The following ZNF33A variants were observed in gnomAD, a reference collection of about 807,000 sequenced individuals.
The protein encoded by ZNF33A is zinc finger protein 33A, also known as brain my041 protein.
In ZNF33A, 9 loss-of-function variants were observed where a neutral mutation model predicts 15.9. The ratio of observed to expected loss-of-function variants is 0.57; its 90% confidence interval spans 0.34 to 0.99. The LOEUF is 0.99. ZNF33A is among the 50% of genes least tolerant of loss of function. The pLI, the probability that ZNF33A is intolerant of heterozygous loss-of-function variation, is 0.02. For missense variants in ZNF33A, 843 were observed against 941.6 expected, an observed-to-expected ratio of 0.90 and a Z score of 1.37; for synonymous variants, 294 against 324.2, an observed-to-expected ratio of 0.91 and a Z score of 1.00.
At chr10:38,019,522 C>T (rs2064640253) in intron 4 of ZNF33A, among the ~76,000 whole-genome samples, 1 of 152,178 alleles carries the variant, frequency 6.6e-6, no homozygotes, top group Admixed American at 6.6e-5. Context: ...AACACATTCC[C>T]TACAGAGAAT....
At chr10:38,046,538 T>C (rs1331276301) in intron 4 of ZNF33A, among the ~76,000 whole-genome samples, 1 of 152,098 alleles carries the variant, frequency 6.6e-6, no homozygotes, top group Non-Finnish European at 1.5e-5. Context: ...AAGTGCATCC[T>C]AGAAAAAAGC....
At chr10:38,061,490 G>A (rs1156934430), downstream of ZNF33A, among the ~76,000 whole-genome samples, 2 of 152,134 alleles carry the variant, frequency 1.3e-5, no homozygotes, top group Non-Finnish European at 2.9e-5. Context: ...GCGTGGCCTG[G>A]CATTGCTGCT....
chr10:38,050,218 G>T (rs1311324723), intron 4 of ZNF33A, among the ~76,000 whole-genome samples: 3 of 152,186 alleles, frequency 2.0e-5, no homozygotes, highest in African/African-American at 7.2e-5. Context: ...GAAAGCTATA[G>T]ACCGGTGTCC....
intron 4 of ZNF33A, among the ~76,000 whole-genome samples, chr10:38,042,884 A>G (rs936277187): frequency 2.8e-4 from 43 of 152,152 alleles, no homozygotes; most frequent in African/African-American, 9.7e-4. Context: ...GCATTTTTAT[A>G]TGTTATAGGT....
chr10:38,065,689 T>C (rs2066703932), downstream of ZNF33A, among the ~76,000 whole-genome samples: 1 of 151,714 alleles, frequency 6.6e-6, no homozygotes, highest in Non-Finnish European at 1.5e-5. Flanking sequence ...ACCAGCCAAT[T>C]TCCATGTCTT....
At chr10:38,063,700 T>C (rs1216928930), downstream of ZNF33A, among the ~76,000 whole-genome samples, 2 of 152,188 alleles carry the variant, frequency 1.3e-5, no homozygotes, top group Non-Finnish European at 2.9e-5. Context: ...ATGCAAACTC[T>C]TTGTGATGAA....
intron 4 of ZNF33A, among the ~76,000 whole-genome samples, chr10:38,020,945 A>G (rs537065836): frequency 2.0e-4 from 30 of 152,310 alleles, no homozygotes; most frequent in African/African-American, 6.7e-4. Flanking sequence ...AGTGAAAACC[A>G]TGCTCTGTAA....
chr10:38,015,227 A>AT (rs2064392863), intron 2 of ZNF33A, among the ~76,000 whole-genome samples: 1 of 151,654 alleles, frequency 6.6e-6, no homozygotes, highest in South Asian at 2.1e-4. Flanking sequence ...CAACCTTCTG[A>AT]TTTTCTCTTG....
At chr10:38,041,837 G>A (rs1245196601) in intron 4 of ZNF33A, among the ~76,000 whole-genome samples, 1 of 152,108 alleles carries the variant, frequency 6.6e-6, no homozygotes, top group Non-Finnish European at 1.5e-5. Flanking sequence ...TCATTTGATG[G>A]CTTTTTGTTG....
intron 4 of ZNF33A, among the ~76,000 whole-genome samples, chr10:38,029,133 T>C (rs2065107790): frequency 6.6e-6 from 1 of 152,234 alleles, no homozygotes; most frequent in African/African-American, 2.4e-5. Flanking sequence ...TTTGTCTATA[T>C]AGTTAACTTT....
rs746054111 is a variant in ZNF33A at position 38,055,327 on chromosome 10, A to G, written c.1203A>G (p.Thr401=). ...GKAFSHKSAL[T]LHQRTHTGEK... ...CCTTTAGCCATAAGTCAGCCCTCAC[A>G]TTACACCAGAGAACACATACAGGGG... Residue 401 remains threonine (T), a synonymous_variant, in exon 5 of 5, where the codon ACA becomes ACG. Transcript: ENST00000432900. The G allele has an allele frequency of 4.3e-6, 7 of 1,613,796 alleles. No individual in the cohort carries two copies. Among genetic ancestry groups the G allele is most frequent in the African/African-American group, 1.3e-5 (1 of 74,954 alleles).
chr10:38,055,610 T>C lies in ZNF33A; in HGVS notation c.1486T>C (p.Ser496Pro), dbSNP rs1317119558. The change falls in exon 5 of 5, where the codon TCT becomes CCT. Residue 496 changes from serine (S) to proline (P), a missense_variant. Coordinates refer to ENST00000432900, the MANE Select transcript of ZNF33A (RefSeq NM_006954.2). The part of the protein sequence containing the change: ...QHQRIHIGDK[S>P]YECNACGKTF... The stretch of plus-strand genomic sequence containing the variant: ...TCAGAGAATTCACATAGGAGATAAA[T>C]CTTATGAATGTAATGCATGTGGGAA... 1 of 1,613,908 alleles carries C rather than the reference T, an allele frequency of 6.2e-7. No homozygotes were observed.
chr10:38,015,643 T>A (rs967482670), intron 2 of ZNF33A, among the ~76,000 whole-genome samples: 1 of 152,100 alleles, frequency 6.6e-6, no homozygotes, highest in African/African-American at 2.4e-5. Context: ...TTAATATAAT[T>A]AGGATGTTTC....
rs531684442 is a variant in ZNF33A at position 38,016,453 on chromosome 10, T to G, written c.10-418T>G. 2.6e-5 allele frequency among the ~76,000 whole-genome samples: 4 copies of G among 152,318 alleles called. No homozygotes were observed. The South Asian group carries it at 8.3e-4, about 32-fold the overall frequency. ...TTTGCTTGTATCATGGCCCTATGCTTATGAAGAACGTAATAGAGTGTTTTT... is the reference window on the plus strand; with the variant it reads ...TTTGCTTGTATCATGGCCCTATGCTGATGAAGAACGTAATAGAGTGTTTTT... On this transcript the variant is annotated intron_variant, in intron 2 of 4. Coordinates refer to ENST00000432900, the MANE Select transcript of ZNF33A (RefSeq NM_006954.2).
At chr10:38,029,379 C>A (rs535314056) in intron 4 of ZNF33A, among the ~76,000 whole-genome samples, 2 of 152,252 alleles carry the variant, frequency 1.3e-5, no homozygotes, top group East Asian at 3.9e-4. Flanking sequence ...ATCCATCTGT[C>A]TTCAGGCCTT....
intron 4 of ZNF33A, among the ~76,000 whole-genome samples, chr10:38,024,163 C>CCAAAAAAAAAAAAAA (rs1554902706): frequency 4.3e-5 from 4 of 93,210 alleles, no homozygotes; most frequent in Non-Finnish European, 8.2e-5. Context: ...AAAAACAAAA[C>CCAAAAAAAAAAAAAA]AAAAAAAAAA....
chr10:38,016,977 A>G lies in ZNF33A; in HGVS notation c.116A>G (p.Asp39Gly), dbSNP rs1433014102. Residue 39 changes from aspartate (D) to glycine (G), a missense_variant, in exon 3 of 5, where the codon GAT becomes GGT. Physicochemically the swap from Asp to Gly is moderately conservative, Grantham distance 94. Transcript: ENST00000432900. ...CCTAGTCAGAGGGCTCTGTATAGAG[A>G]TGTGATGCTGGAGAACTACAGCAAC... ...LDPSQRALYR[D>G]VMLENYSNLV... 6.2e-7 allele frequency: 1 copy of G among 1,611,080 alleles called. No homozygotes were observed. The highest frequency in any genetic ancestry group is 1.3e-5 in the African/African-American group (1 of 74,908).
In ZNF33A at chr10:38,017,239, G is replaced by A. The variant is rs1478143221; in HGVS notation, c.155-52G>A. On this transcript the variant is annotated intron_variant, in intron 3 of 4. Coordinates refer to ENST00000432900, the MANE Select transcript of ZNF33A (RefSeq NM_006954.2). ...CCAGAAGCTTCTTCCTGCTTCAAAGGCCTGAAGTCTAGACTGCTTGGTCCA... is the reference window on the plus strand; with the variant it reads ...CCAGAAGCTTCTTCCTGCTTCAAAGACCTGAAGTCTAGACTGCTTGGTCCA... 13 of 1,544,692 alleles carry A rather than the reference G, an allele frequency of 8.4e-6. No homozygotes were observed. The East Asian group carries it at 1.4e-4, about 16-fold the overall frequency.
intron 4 of ZNF33A, among the ~76,000 whole-genome samples, chr10:38,031,387 T>C (rs2065201404): frequency 6.6e-6 from 1 of 151,956 alleles, no homozygotes; most frequent in African/African-American, 2.4e-5. Flanking sequence ...CTGGGCAACA[T>C]GGTGAAAACC....
Sources: allele counts gnomAD v4.1 joint callset (sites outside exome capture counted in the v4.1 genomes callset), GRCh38; gene constraint gnomAD v4.1.1; transcripts MANE v1.5; gene names NCBI Gene and HGNC (gene_info 2026-07-23, HGNC 2026-07-21).